The following RBFOX1 variants were observed in gnomAD, a reference collection of about 807,000 sequenced individuals.
The protein encoded by RBFOX1 is RNA binding fox-1 homolog 1, also known as RNA binding protein fox-1 homolog 1.
Under a neutral mutation model 57.7 loss-of-function variants are expected in RBFOX1, and 8 were observed. That is an observed-to-expected ratio of 0.14 (90% confidence interval 0.08 to 0.25). The LOEUF is 0.25. Among genes scored for constraint, RBFOX1 ranks in the 10% least tolerant of loss-of-function variants. The pLI, the probability that RBFOX1 is intolerant of heterozygous loss-of-function variation, is 1.00. For missense variants in RBFOX1, 611 were observed against 548.5 expected, an observed-to-expected ratio of 1.11 and a Z score of -1.14; for synonymous variants, 326 against 222.4, an observed-to-expected ratio of 1.47 and a Z score of -4.15.
At chr16:6,998,572 A>G (rs2092471071) in intron 3 of RBFOX1, among the ~76,000 whole-genome samples, 1 of 152,176 alleles carries the variant, frequency 6.6e-6, no homozygotes, top group African/African-American at 2.4e-5. Context: ...GAACCAAAAT[A>G]GGATTTTAAT....
intron 5 of RBFOX1, among the ~76,000 whole-genome samples, chr16:7,553,356 G>A (rs551827782): frequency 2.6e-4 from 39 of 152,086 alleles, no homozygotes; most frequent in Non-Finnish European, 1.8e-4. Flanking sequence ...TGTTGCTCAG[G>A]CTGGTCTCAA....
intron 3 of RBFOX1, among the ~76,000 whole-genome samples, chr16:6,834,266 G>A (rs1489882213): frequency 6.6e-6 from 1 of 151,856 alleles, no homozygotes; most frequent in East Asian, 1.9e-4. Context: ...GTAGAGATGG[G>A]GGTTTCACCA....
At chr16:7,326,627 T>C (rs2143742492) in intron 4 of RBFOX1, among the ~76,000 whole-genome samples, 1 of 152,050 alleles carries the variant, frequency 6.6e-6, no homozygotes, top group African/African-American at 2.4e-5. Flanking sequence ...ATTTCACTGC[T>C]GTAATGCATT....
intron 2 of RBFOX1, among the ~76,000 whole-genome samples, chr16:6,653,921 T>C (rs770772639): frequency 1.4e-5 from 2 of 148,016 alleles, no homozygotes; most frequent in Admixed American, 6.8e-5. Context: ...GATGGGCGAG[T>C]GTGTAGATGA....
At chr16:6,106,436 A>G (rs1239002064) in intron 1 of RBFOX1, among the ~76,000 whole-genome samples, 1 of 131,068 alleles carries the variant, frequency 7.6e-6, no homozygotes, top group East Asian at 2.3e-4. Flanking sequence ...ACTGTACTCC[A>G]GCCTGGGCAA....
intron 4 of RBFOX1, among the ~76,000 whole-genome samples, chr16:7,100,663 T>A (rs979818616): frequency 6.6e-6 from 1 of 150,706 alleles, no homozygotes; most frequent in Non-Finnish European, 1.5e-5. Flanking sequence ...TAGCCTGTGA[T>A]AAATATTAAT....
intron 1 of RBFOX1, among the ~76,000 whole-genome samples, chr16:6,310,765 A>G (rs35272019): frequency 0.3 from 45,126 of 152,002 alleles, 6,809 homozygotes; most frequent in East Asian, 0.37. Flanking sequence ...GTAGAGACAG[A>G]TGTCTACAAA....
intron 3 of RBFOX1, among the ~76,000 whole-genome samples, chr16:5,705,528 T>C (rs1394165466): frequency 6.6e-6 from 1 of 152,208 alleles, no homozygotes; most frequent in East Asian, 1.9e-4. Context: ...TAAACACCTC[T>C]GTAATCACGA....
At chr16:6,634,084 C>T (rs1330755469) in intron 2 of RBFOX1, among the ~76,000 whole-genome samples, 1 of 151,578 alleles carries the variant, frequency 6.6e-6, no homozygotes, top group African/African-American at 2.4e-5. Context: ...CACATACACA[C>T]ACACATACAC....
chr16:6,602,813 C>G (rs556814101), intron 2 of RBFOX1, among the ~76,000 whole-genome samples: 189 of 152,244 alleles, frequency 1.2e-3, no homozygotes, highest in Admixed American at 1.7e-3. Flanking sequence ...AATTCAAGAT[C>G]AGAAAGACAA....
chr16:6,813,260 G>T (rs895871606), intron 3 of RBFOX1, among the ~76,000 whole-genome samples: 7 of 152,116 alleles, frequency 4.6e-5, no homozygotes, highest in African/African-American at 1.7e-4. Flanking sequence ...TAGTATTCCA[G>T]TTCTTTCTGG....
chr16:5,525,942 A>G (rs2044227420), intron 2 of RBFOX1, among the ~76,000 whole-genome samples: 1 of 152,126 alleles, frequency 6.6e-6, no homozygotes, highest in Non-Finnish European at 1.5e-5. Context: ...CAAGCTTCAC[A>G]TCATGTGAAG....
intron 8 of RBFOX1, among the ~76,000 whole-genome samples, chr16:7,596,241 G>A (rs1404806644): frequency 6.7e-6 from 1 of 150,158 alleles, no homozygotes; most frequent in Non-Finnish European, 1.5e-5. Flanking sequence ...TAACCAAACA[G>A]GATTTCCTGT....
intron 4 of RBFOX1, among the ~76,000 whole-genome samples, chr16:7,229,003 A>G (rs1041338742): frequency 4.6e-5 from 7 of 152,194 alleles, no homozygotes; most frequent in African/African-American, 1.4e-4. Flanking sequence ...AGGATGGGGA[A>G]TAGCAGGCTA....
intron 2 of RBFOX1, among the ~76,000 whole-genome samples, chr16:6,509,351 C>G (rs1374873312): frequency 6.6e-6 from 1 of 152,094 alleles, no homozygotes; most frequent in East Asian, 1.9e-4. Context: ...TACTATTCAG[C>G]TATAAAAAGA....
chr16:7,462,808 C>T (rs556657959), intron 4 of RBFOX1, among the ~76,000 whole-genome samples: 4 of 152,302 alleles, frequency 2.6e-5, no homozygotes, highest in African/African-American at 9.6e-5. Flanking sequence ...CCAGCGACAG[C>T]TACTCGAGTC....
chr16:6,711,534 G>A (rs1603450461), intron 3 of RBFOX1, among the ~76,000 whole-genome samples: 1 of 152,146 alleles, frequency 6.6e-6, no homozygotes, highest in African/African-American at 2.4e-5. Flanking sequence ...ACATATGATG[G>A]TTTAAAAGTG....
intron 4 of RBFOX1, among the ~76,000 whole-genome samples, chr16:5,882,327 C>G (rs116478601): frequency 6.6e-6 from 1 of 152,140 alleles, no homozygotes; most frequent in Non-Finnish European, 1.5e-5. Context: ...CTTCATTCAA[C>G]TCAAAGATGG....
At position 7,350,563 on chromosome 16, in the gene RBFOX1, G is replaced by T. The variant is rs567442051; in HGVS notation, c.28-167584G>T. Among the ~76,000 whole-genome samples, 4 of 152,302 alleles carry T rather than the reference G, an allele frequency of 2.6e-5. 1 individual carries two copies. The highest frequency in any genetic ancestry group is 9.6e-5 in the African/African-American group (4 of 41,562). ...GTTAAAAGATTCCTCTGGAAAGTGG[G>T]AGGAGGATGGACAAATAATCTTTAG... On this transcript the variant is annotated intron_variant, in intron 4 of 15. Coordinates refer to ENST00000550418, the MANE Select transcript of RBFOX1 (RefSeq NM_018723.4).
Sources: allele counts gnomAD v4.1 joint callset (sites outside exome capture counted in the v4.1 genomes callset), GRCh38; gene constraint gnomAD v4.1.1; transcripts MANE v1.5; gene names NCBI Gene and HGNC (gene_info 2026-07-23, HGNC 2026-07-21).